Variants in RAB37 observed in about 807,000 individuals in gnomAD.
The protein encoded by RAB37 is ras-related protein Rab-37.
A neutral mutation model predicts 33.1 loss-of-function variants in RAB37; 29 were observed. That is an observed-to-expected ratio of 0.88 (90% CI 0.65 to 1.20). The LOEUF (loss-of-function observed/expected upper bound fraction) is 1.20, where lower values mean the gene tolerates loss of function less well. Ranked by LOEUF, RAB37 falls within the 50% of genes most tolerant of loss-of-function variation. The pLI, the probability that RAB37 is intolerant of heterozygous loss-of-function variation, is 0.00. For missense variants in RAB37, 299 were observed against 301.1 expected, an observed-to-expected ratio of 0.99 and a Z score of 0.05; for synonymous variants, 128 against 119.5, an observed-to-expected ratio of 1.07 and a Z score of -0.47.
At chr17:74,699,194 G>A (rs991983632) in intron 1 of RAB37, among the ~76,000 whole-genome samples, 2 of 152,166 alleles carry the variant, frequency 1.3e-5, no homozygotes, top group African/African-American at 2.4e-5. Flanking sequence ...TGGGATTACA[G>A]GCGTGAGCCA....
chr17:74,672,908 A>C (rs541113300), intron 1 of RAB37: 1 of 152,370 alleles, frequency 6.6e-6, no homozygotes, highest in South Asian at 2.1e-4. Flanking sequence ...CAAATGAAAG[A>C]AAATCAGCTA....
intron 1 of RAB37, among the ~76,000 whole-genome samples, chr17:74,724,591 G>A (rs996794168): frequency 1.3e-5 from 2 of 152,328 alleles, no homozygotes; most frequent in Admixed American, 1.3e-4. Flanking sequence ...GGCTGAATCC[G>A]AAAAGAGAGT....
upstream of RAB37, among the ~76,000 whole-genome samples, chr17:74,734,924 GAGAAAGAAAGAGAA>G (rs1466560734): frequency 6.1e-5 from 7 of 114,234 alleles, no homozygotes; most frequent in East Asian, 1.3e-3. Context: ...GAAGGAAGGA[GAGAAAGAAAGAGAA>G]AGAAAGAAAG....
intron 2 of RAB37, among the ~76,000 whole-genome samples, chr17:74,731,954 G>A (rs557147850): frequency 2.9e-4 from 44 of 151,808 alleles, no homozygotes; most frequent in Middle Eastern, 3.4e-3. Flanking sequence ...AGGTTGCGGC[G>A]AGCCAATATC....
intron 2 of RAB37, among the ~76,000 whole-genome samples, chr17:74,741,689 A>G (rs1001526485): frequency 1.3e-5 from 2 of 151,938 alleles, no homozygotes; most frequent in African/African-American, 4.8e-5. Flanking sequence ...AATCTGCATC[A>G]GGGATGCTAG....
chr17:74,718,501 A>G (rs2034198330), intron 1 of RAB37, among the ~76,000 whole-genome samples: 1 of 152,168 alleles, frequency 6.6e-6, no homozygotes, highest in Non-Finnish European at 1.5e-5. Flanking sequence ...GAAGAGCTGC[A>G]ATTGAGGCTC....
At chr17:74,684,116 G>GTCTC (rs142430757) in intron 1 of RAB37, among the ~76,000 whole-genome samples, 2,282 of 152,124 alleles carry the variant, frequency 0.015, 39 homozygotes, top group Admixed American at 0.039. Context: ...ATTGAGACGA[G>GTCTC]TCTCTCTCTG....
Position 74,743,144 on chromosome 17 carries a change from G to A in RAB37, c.262G>A (p.Gly88Arg), listed in dbSNP as rs146780541. 36 of 1,613,476 alleles carry A rather than the reference G, an allele frequency of 2.2e-5. No homozygotes were observed. In the African/African-American group the frequency reaches 3.7e-4, roughly 17 times the overall value. ...RVKLQIWDTA[G>R]QERFRSVTHA... is the part of the protein sequence containing the mutation. ...CCCTTCCCAGATCTGGGACACCGCT[G>A]GGCAGGAACGGTTCCGAAGCGTCAC... Residue 88 changes from glycine (G) to arginine (R), a missense_variant, in exon 4 of 9, where the codon GGG (glycine) becomes AGG (arginine). Transcript: ENST00000392613.
chr17:74,704,329 C>T (rs2033329255), intron 1 of RAB37: 1 of 639,140 alleles, frequency 1.6e-6, no homozygotes, highest in African/African-American at 1.8e-5. Context: ...GCCCTGCTCC[C>T]CCAGTCCCAG....
At chr17:74,728,595 A>ATG (rs548051994) in intron 1 of RAB37, among the ~76,000 whole-genome samples, 1 of 145,786 alleles carries the variant, frequency 6.9e-6, no homozygotes, top group African/African-American at 2.6e-5. Context: ...TATGTGTTGT[A>ATG]TGTGTGTATG....
chr17:74,696,668 C>A (rs1446395535), intron 1 of RAB37, among the ~76,000 whole-genome samples: 1 of 152,224 alleles, frequency 6.6e-6, no homozygotes, highest in African/African-American at 2.4e-5. Context: ...CCGGGGGGCA[C>A]TTGCTCTATG....
rs2034711930 is a variant in RAB37, at chr17:74,744,809, G to A, written c.433-64G>A. On this transcript the variant is annotated intron_variant, in intron 6 of 8. Coordinates refer to ENST00000392613, the MANE Select transcript of RAB37 (RefSeq NM_001006638.3). The surrounding 1 kb of genome is among the most constrained non-coding windows in gnomAD (Gnocchi z 4.2). Reference sequence around the variant, plus strand: ...AGGGCAGGCAACGCCTGCTTCTGGGGCAAAATATGGGCCCGCTGGGGCGGA... The same window carrying A: ...AGGGCAGGCAACGCCTGCTTCTGGGACAAAATATGGGCCCGCTGGGGCGGA... The A allele has an allele frequency of 6.2e-7, 1 of 1,601,578 alleles. No individual in the cohort carries two copies. The highest frequency in any genetic ancestry group is 1.3e-5 in the African/African-American group (1 of 74,766).
At chr17:74,695,305 G>C (rs914269465) in intron 1 of RAB37, 1 of 1,602,948 alleles carries the variant, frequency 6.2e-7, no homozygotes, top group Non-Finnish European at 8.5e-7. Flanking sequence ...TGACGGTCAC[G>C]GGGCAGAGGA....
chr17:74,692,021 A>G (rs1008362231), intron 1 of RAB37, among the ~76,000 whole-genome samples: 1 of 151,768 alleles, frequency 6.6e-6, no homozygotes, highest in Non-Finnish European at 1.5e-5. Flanking sequence ...ACCCGCCACC[A>G]CACCCAGTTA....
At position 74,743,202 on chromosome 17, in the gene RAB37, C is replaced by T. The variant is rs779993393; in HGVS notation, c.313+7C>T. 6.2e-7 allele frequency: 1 copy of T among 1,613,670 alleles called. No homozygotes were observed. Among genetic ancestry groups the T allele is most frequent in the South Asian group, 1.1e-5 (1 of 91,068 alleles). ...TATTACAGAGATGCTCAGGGTGAGTCCCTCGCACCCTCCAACCCCTACCCC... is the reference window on the plus strand; with the variant it reads ...TATTACAGAGATGCTCAGGGTGAGTTCCTCGCACCCTCCAACCCCTACCCC... On this transcript the variant is annotated splice_region_variant and intron_variant, in intron 4 of 8. Transcript: ENST00000392613.
At chr17:74,702,765 C>G (rs1009594664) in intron 1 of RAB37, among the ~76,000 whole-genome samples, 2 of 152,174 alleles carry the variant, frequency 1.3e-5, no homozygotes, top group Non-Finnish European at 2.9e-5. Flanking sequence ...CACGGTGCAG[C>G]CATGTAGAAG....
At chr17:74,710,214 A>G (rs1230273782) in intron 1 of RAB37, among the ~76,000 whole-genome samples, 1 of 151,992 alleles carries the variant, frequency 6.6e-6, no homozygotes, top group Non-Finnish European at 1.5e-5. Flanking sequence ...TGACCTTGTG[A>G]TCCGCCTGCC....
At position 74,745,544 on chromosome 17, in the gene RAB37, A is replaced by G. The variant is rs2034741456; in HGVS notation, c.*133A>G. ...ACTCACTGCACAGCCGCTTCCTAGC[A>G]GGGAGCTATACTCCAACTCCTACTT... is the stretch of plus-strand genomic sequence containing the variant. On this transcript the variant is annotated 3_prime_UTR_variant, in exon 9 of 9. Coordinates refer to ENST00000392613, the MANE Select transcript of RAB37 (RefSeq NM_001006638.3). This position sits in a 1 kb window ranked among gnomAD's most constrained non-coding sequence, Gnocchi z 4.5. The G allele has an allele frequency of 4.3e-6, 3 of 695,570 alleles. No individual in the cohort carries two copies. Among genetic ancestry groups the G allele is most frequent in the South Asian group, 1.8e-5 (1 of 57,010 alleles). 43.1% of individuals were successfully genotyped at this position (695,570 alleles called of 1,614,324 possible).
At chr17:74,683,397 C>T (rs1181560373) in intron 1 of RAB37, among the ~76,000 whole-genome samples, 1 of 152,182 alleles carries the variant, frequency 6.6e-6, no homozygotes, top group African/African-American at 2.4e-5. Context: ...TGGTTAGCTG[C>T]TATGGAGACG....
Sources: allele counts gnomAD v4.1 joint callset (sites outside exome capture counted in the v4.1 genomes callset), GRCh38; gene constraint gnomAD v4.1.1; non-coding constraint Gnocchi (gnomAD v3.1); transcripts MANE v1.5; gene names NCBI Gene and HGNC (gene_info 2026-07-23, HGNC 2026-07-21).